The following ENTREP2 variants were observed in gnomAD, a reference collection of about 807,000 sequenced individuals.
The protein encoded by ENTREP2 is protein ENTREP2.
At chr15:29,477,016 T>G in the ENTREP2 span, among the ~76,000 whole-genome samples, 1 of 152,118 alleles carries the variant, frequency 6.6e-6, no homozygotes, top group African/African-American at 2.4e-5. Context: ...GAAACTACCC[T>G]AGTGCCATCA....
the ENTREP2 span, among the ~76,000 whole-genome samples, chr15:29,356,634 A>G: frequency 6.6e-6 from 1 of 151,934 alleles, no homozygotes; most frequent in Admixed American, 6.6e-5. Context: ...ACATATTGAT[A>G]TAGAAGTTAA....
At chr15:29,329,348 G>A in the ENTREP2 span, among the ~76,000 whole-genome samples, 16 of 147,938 alleles carry the variant, frequency 1.1e-4, 1 homozygote, top group Admixed American at 1.0e-3. Context: ...GGGTGACAGA[G>A]CAAGGCTCCG....
chr15:29,293,240 A>G, the ENTREP2 span, among the ~76,000 whole-genome samples: 1 of 152,186 alleles, frequency 6.6e-6, no homozygotes, highest in East Asian at 1.9e-4. Flanking sequence ...CTCAAACAAA[A>G]AGGGGAATTT....
At chr15:29,264,172 CCTCT>C in the ENTREP2 span, among the ~76,000 whole-genome samples, 9 of 66,338 alleles carry the variant, frequency 1.4e-4, no homozygotes, top group Non-Finnish European at 2.1e-4. Context: ...AAAAGAACTC[CCTCT>C]CTTTTTGTGC....
At chr15:29,569,677 A>C in the ENTREP2 span, 1 of 152,256 alleles carries the variant, frequency 6.6e-6, no homozygotes, top group Non-Finnish European at 1.5e-5. Flanking sequence ...GACTTTCATC[A>C]AAATGCTACA....
At chr15:29,151,876 T>C in the ENTREP2 span, 2 of 1,481,314 alleles carry the variant, frequency 1.4e-6, no homozygotes, top group Non-Finnish European at 1.8e-6. Context: ...GTCAGCCTCA[T>C]CCCGAAATAG....
chr15:29,595,024 C>T, the ENTREP2 span, among the ~76,000 whole-genome samples: 5 of 137,088 alleles, frequency 3.6e-5, no homozygotes, highest in African/African-American at 8.4e-5. Context: ...GCCGAGATCA[C>T]GCCACTGCAC....
At chr15:29,331,742 C>A in the ENTREP2 span, among the ~76,000 whole-genome samples, 1 of 152,202 alleles carries the variant, frequency 6.6e-6, no homozygotes, top group African/African-American at 2.4e-5. Context: ...CTTCTCACCC[C>A]AACAATTCTA....
chr15:29,674,140 G>GGGGGGGGGGGGGGGGGGGGGGGGGGT, the ENTREP2 span, among the ~76,000 whole-genome samples: 1 of 148,816 alleles, frequency 6.7e-6, no homozygotes, highest in African/African-American at 2.5e-5. Flanking sequence ...GGGGGGGGGG[G>GGGGGGGGGGGGGGGGGGGGGGGGGGT]GGGCTTTGCC....
At chr15:29,281,859 T>C in the ENTREP2 span, among the ~76,000 whole-genome samples, 67 of 152,318 alleles carry the variant, frequency 4.4e-4, no homozygotes, top group Admixed American at 5.2e-4. Context: ...CTGAGATCTA[T>C]AGACATTTGA....
At chr15:29,321,874 G>A in the ENTREP2 span, among the ~76,000 whole-genome samples, 5 of 151,922 alleles carry the variant, frequency 3.3e-5, no homozygotes, top group Admixed American at 6.6e-5. Flanking sequence ...AATGAATGCT[G>A]GGCTTAATAC....
At chr15:29,485,107 C>T in the ENTREP2 span, among the ~76,000 whole-genome samples, 1 of 152,256 alleles carries the variant, frequency 6.6e-6, no homozygotes, top group Middle Eastern at 3.4e-3. Flanking sequence ...AGGGTCCATC[C>T]TCCACAAAAC....
the ENTREP2 span, among the ~76,000 whole-genome samples, chr15:29,219,359 T>C: frequency 6.6e-6 from 1 of 151,984 alleles, no homozygotes; most frequent in African/African-American, 2.4e-5. Context: ...GGAACACTTC[T>C]ATGCTGCTGG....
At chr15:29,369,924 C>A in the ENTREP2 span, among the ~76,000 whole-genome samples, 1 of 152,142 alleles carries the variant, frequency 6.6e-6, no homozygotes, top group Non-Finnish European at 1.5e-5. Flanking sequence ...CCCTTTTTGC[C>A]TTTCCCTTTA....
chr15:29,280,323 G>A, the ENTREP2 span, among the ~76,000 whole-genome samples: 50 of 152,216 alleles, frequency 3.3e-4, no homozygotes, highest in African/African-American at 9.9e-4. Context: ...AGGAAACTTC[G>A]GTTTTCTCCC....
At chr15:29,362,143 A>T in the ENTREP2 span, among the ~76,000 whole-genome samples, 1 of 152,016 alleles carries the variant, frequency 6.6e-6, no homozygotes, top group Admixed American at 6.5e-5. Flanking sequence ...CACAGACCTT[A>T]CCACCCACTC....
At chr15:29,368,098 A>C in the ENTREP2 span, among the ~76,000 whole-genome samples, 16 of 150,562 alleles carry the variant, frequency 1.1e-4, no homozygotes, top group African/African-American at 3.9e-4. Context: ...TGAAGTGGGG[A>C]GATCACTCTT....
At chr15:29,148,445 T>A in the ENTREP2 span, among the ~76,000 whole-genome samples, 1 of 152,210 alleles carries the variant, frequency 6.6e-6, no homozygotes. Flanking sequence ...GGGTGAAGTC[T>A]TTTACATAAA....
At chr15:29,166,157 A>G in the ENTREP2 span, among the ~76,000 whole-genome samples, 1 of 152,276 alleles carries the variant, frequency 6.6e-6, no homozygotes, top group South Asian at 2.1e-4. Flanking sequence ...AAATTAGCAT[A>G]CAAGGGACAT....
Sources: allele counts gnomAD v4.1 joint callset (sites outside exome capture counted in the v4.1 genomes callset), GRCh38; gene constraint gnomAD v4.1.1; transcripts MANE v1.5; gene names NCBI Gene and HGNC (gene_info 2026-07-23, HGNC 2026-07-21).